RANBP2: variants seen among roughly 807,000 people sequenced by gnomAD.
RANBP2 encodes the protein E3 SUMO-protein ligase RanBP2.
Under a neutral mutation model 303.6 loss-of-function variants are expected in RANBP2, and 57 were observed. The ratio of observed to expected loss-of-function variants is 0.19; its 90% CI spans 0.15 to 0.23. The LOEUF (loss-of-function observed/expected upper bound fraction) is 0.23. Among genes scored for constraint, RANBP2 ranks in the 10% least tolerant of loss-of-function variants. RANBP2 has a pLI of 1.00. For missense variants in RANBP2, 3,138 were observed against 3,780.8 expected, an observed-to-expected ratio of 0.83 and a Z score of 4.46; for synonymous variants, 1,167 against 1,301.5, an observed-to-expected ratio of 0.90 and a Z score of 2.23.
At chr2:109,182,043 C>T in the RANBP2 span, among the ~76,000 whole-genome samples, 2 of 152,116 alleles carry the variant, frequency 1.3e-5, no homozygotes, top group Admixed American at 1.3e-4. Flanking sequence ...ATGTGATAAA[C>T]ATATGTATGC....
the RANBP2 span, among the ~76,000 whole-genome samples, chr2:109,023,947 C>T: frequency 3.0e-4 from 46 of 150,996 alleles, no homozygotes; most frequent in African/African-American, 9.1e-4. Flanking sequence ...TATTTTGAGA[C>T]GGAGTTTCAC....
chr2:109,100,017 C>T, the RANBP2 span, among the ~76,000 whole-genome samples: 1 of 152,156 alleles, frequency 6.6e-6, no homozygotes, highest in Non-Finnish European at 1.5e-5. Flanking sequence ...GACAGTATTT[C>T]AGTAAAATAG....
At chr2:108,886,221 T>C in the RANBP2 span, among the ~76,000 whole-genome samples, 18 of 152,172 alleles carry the variant, frequency 1.2e-4, no homozygotes, top group African/African-American at 4.3e-4. Context: ...TCACCAACAG[T>C]GGGTAAGAAT....
the RANBP2 span, among the ~76,000 whole-genome samples, chr2:109,764,659 G>C: frequency 1.4e-5 from 2 of 147,944 alleles, no homozygotes; most frequent in South Asian, 4.5e-4. Flanking sequence ...ATGGAAAGAG[G>C]AAAAATTGAA....
the RANBP2 span, among the ~76,000 whole-genome samples, chr2:109,655,484 AG>A: frequency 6.6e-6 from 1 of 152,194 alleles, no homozygotes; most frequent in East Asian, 1.9e-4. Context: ...ACTCATGCAC[AG>A]GAAGAGGATG....
the RANBP2 span, among the ~76,000 whole-genome samples, chr2:109,017,865 T>C: frequency 6.6e-6 from 1 of 152,136 alleles, no homozygotes; most frequent in African/African-American, 2.4e-5. Flanking sequence ...AAATCCCCCG[T>C]TGTTAGGCTG....
the RANBP2 span, among the ~76,000 whole-genome samples, chr2:109,523,640 A>T: frequency 2.0e-4 from 31 of 152,248 alleles, no homozygotes; most frequent in African/African-American, 7.5e-4. Context: ...CCCACTGGAC[A>T]CATGAGCCGC....
intron 18 of RANBP2, among the ~76,000 whole-genome samples, chr2:108,759,122 C>T (rs1274135176): frequency 4.0e-5 from 6 of 151,252 alleles, no homozygotes; most frequent in African/African-American, 1.5e-4. Flanking sequence ...TGCAGGTGGG[C>T]GTGGGTGTGT....
At chr2:109,156,775 G>A in the RANBP2 span, among the ~76,000 whole-genome samples, 1 of 152,116 alleles carries the variant, frequency 6.6e-6, no homozygotes, top group Non-Finnish European at 1.5e-5. Context: ...GGGATGTGAA[G>A]GGTTGTTGTA....
chr2:108,947,441 G>T, the RANBP2 span, among the ~76,000 whole-genome samples: 1 of 152,186 alleles, frequency 6.6e-6, no homozygotes, highest in Admixed American at 6.6e-5. Context: ...GACTCTGTGT[G>T]GGGGCTCCAA....
chr2:108,812,085 A>G, the RANBP2 span, among the ~76,000 whole-genome samples: 799 of 152,272 alleles, frequency 5.2e-3, 6 homozygotes, highest in African/African-American at 0.018. Context: ...GATGTGCAAG[A>G]CATCTCTACT....
chr2:109,496,330 A>C, the RANBP2 span, among the ~76,000 whole-genome samples: 1 of 151,992 alleles, frequency 6.6e-6, no homozygotes, highest in Non-Finnish European at 1.5e-5. Context: ...TGCATTTTAC[A>C]ATCCTCTTGC....
At chr2:108,925,940 T>G in the RANBP2 span, among the ~76,000 whole-genome samples, 1 of 152,128 alleles carries the variant, frequency 6.6e-6, no homozygotes, top group Non-Finnish European at 1.5e-5. Context: ...AAAAAAACAT[T>G]GGCTCCAAGA....
chr2:109,526,477 T>TA, the RANBP2 span, among the ~76,000 whole-genome samples: 1 of 152,082 alleles, frequency 6.6e-6, no homozygotes, highest in Non-Finnish European at 1.5e-5. Flanking sequence ...ATGCCTTATT[T>TA]ATTTTTGTAT....
At chr2:109,318,049 C>T in the RANBP2 span, among the ~76,000 whole-genome samples, 1 of 150,286 alleles carries the variant, frequency 6.7e-6, no homozygotes, top group South Asian at 2.1e-4. Context: ...TCATCGTGAT[C>T]CTTTCTCTCC....
the RANBP2 span, chr2:108,839,410 T>A: frequency 1.1e-6 from 1 of 891,538 alleles, no homozygotes. Flanking sequence ...TTCAGAATAA[T>A]CTTCCCTATC....
chr2:109,391,021 C>A, the RANBP2 span, among the ~76,000 whole-genome samples: 2 of 152,210 alleles, frequency 1.3e-5, no homozygotes, highest in Non-Finnish European at 1.5e-5. Flanking sequence ...TGGACGGGTG[C>A]CACCTGCCTC....
At chr2:108,987,391 C>T in the RANBP2 span, among the ~76,000 whole-genome samples, 29,100 of 152,076 alleles carry the variant, frequency 0.19, 3,015 homozygotes, top group Middle Eastern at 0.27. Context: ...GTCTGCACTC[C>T]GGAGCAATGT....
chr2:109,490,922 G>A, the RANBP2 span: 4 of 1,500,486 alleles, frequency 2.7e-6, no homozygotes, highest in East Asian at 2.5e-5. Flanking sequence ...AGCCCAAGCT[G>A]TTGCCCAGAG....
Sources: allele counts gnomAD v4.1 joint callset (sites outside exome capture counted in the v4.1 genomes callset), GRCh38; gene constraint gnomAD v4.1.1; transcripts MANE v1.5; gene names NCBI Gene and HGNC (gene_info 2026-07-23, HGNC 2026-07-21).